ANGPT1: variants seen among roughly 807,000 people sequenced by gnomAD.
ANGPT1 encodes angiopoietin-1.
ANGPT1 carries 17 observed loss-of-function variants against 62.2 expected under a neutral mutation model. The ratio of observed to expected loss-of-function variants is 0.27; its 90% confidence interval spans 0.19 to 0.41. The LOEUF (loss-of-function observed/expected upper bound fraction) is 0.41, where lower values mean the gene tolerates loss of function less well. ANGPT1 is among the 10% of genes least tolerant of loss of function. The probability of loss-of-function intolerance (pLI) is 1.00; values close to 1 mark genes in which losing one functional copy is unlikely to be tolerated. For synonymous variants in ANGPT1, 199 were observed against 198.9 expected (o/e 1.00, Z 0.00); for missense variants, 478 against 594.9 (o/e 0.80, Z 2.04).
chr8:107,420,499 G>T (rs142087500), intron 1 of ANGPT1, among the ~76,000 whole-genome samples: 112 of 152,266 alleles, frequency 7.4e-4, no homozygotes, highest in African/African-American at 2.5e-3. Context: ...ATTGTTAGTT[G>T]TCTCTCCTCT....
At chr8:107,446,005 C>T (rs1194531503) in intron 1 of ANGPT1, among the ~76,000 whole-genome samples, 1 of 152,114 alleles carries the variant, frequency 6.6e-6, no homozygotes, top group Non-Finnish European at 1.5e-5. Context: ...GAAACCTCTG[C>T]CTCCCGGGGT....
At chr8:107,376,340 G>T (rs1370157547) in intron 1 of ANGPT1, among the ~76,000 whole-genome samples, 3 of 152,144 alleles carry the variant, frequency 2.0e-5, no homozygotes, top group Admixed American at 2.0e-4. Context: ...ATTTCAATAT[G>T]GAAGTATGGG....
intron 1 of ANGPT1, among the ~76,000 whole-genome samples, chr8:107,361,569 AATATAGAATATATGTATATATTATATAT>A (rs1816166021): frequency 4.9e-5 from 1 of 20,596 alleles, no homozygotes; most frequent in Non-Finnish European, 1.2e-4. Context: ...ATTATATATC[AATATAGAATATATGTATATATTATATAT>A]CAATATAGAA....
chr8:107,281,605 C>T (rs566789028), intron 7 of ANGPT1, among the ~76,000 whole-genome samples: 7 of 151,818 alleles, frequency 4.6e-5, no homozygotes, highest in South Asian at 4.2e-4. Context: ...GGTGAAACTC[C>T]GTCTCTACTA....
rs114784130 is a variant in ANGPT1, at chr8:107,356,209, C to T, written c.298-9112G>A. 3.8e-3 allele frequency among the ~76,000 whole-genome samples: 586 copies of T among 152,310 alleles called. 6 individuals are homozygous for T. The highest frequency in any genetic ancestry group is 0.014 in the African/African-American group (564 of 41,576). ...ATAAACCCATCTTGTCTTACTATGT[C>T]TTTCTACTTTGCTATTCCCAAACAT... On this transcript the variant is annotated intron_variant, in intron 1 of 8. Coordinates refer to ENST00000517746, the MANE Select transcript of ANGPT1 (RefSeq NM_001146.5).
intron 1 of ANGPT1, among the ~76,000 whole-genome samples, chr8:107,455,749 G>A (rs1033358602): frequency 6.6e-6 from 1 of 151,998 alleles, no homozygotes; most frequent in African/African-American, 2.4e-5. Context: ...TAAATCTCAT[G>A]ATAAAAATAT....
chr8:107,324,205 GTA>G lies in ANGPT1; in HGVS notation c.576-2079_576-2078del, dbSNP rs749951958. Among the ~76,000 whole-genome samples the G allele has an allele frequency of 1.4e-3, 165 of 119,026 alleles. 4 individuals carry two copies. Among genetic ancestry groups the G allele is most frequent in the Admixed American group, 6.5e-3 (80 of 12,294 alleles). 78.1% of individuals were successfully genotyped at this position (119,026 alleles called of 152,430 possible). ...TGTGTGTGTATATATGTATATATAT[GTA>G]TATATATATGTGTGTGTGTGTGTGT... On this transcript the variant is annotated intron_variant, in intron 3 of 8. Coordinates refer to ENST00000517746, the MANE Select transcript of ANGPT1 (RefSeq NM_001146.5).
chr8:107,275,985 A>T (rs965624565), intron 7 of ANGPT1, among the ~76,000 whole-genome samples: 2 of 152,146 alleles, frequency 1.3e-5, no homozygotes, highest in Admixed American at 6.5e-5. Context: ...AAGACTCTAG[A>T]GACTGACATT....
At chr8:107,350,499 C>G (rs907009589) in intron 1 of ANGPT1, among the ~76,000 whole-genome samples, 2 of 152,064 alleles carry the variant, frequency 1.3e-5, no homozygotes, top group Non-Finnish European at 2.9e-5. Flanking sequence ...CAGCTGTTGA[C>G]CATTCTGTAC....
chr8:107,388,221 C>A (rs189687744), intron 1 of ANGPT1, among the ~76,000 whole-genome samples: 1 of 151,878 alleles, frequency 6.6e-6, no homozygotes, highest in Non-Finnish European at 1.5e-5. Context: ...TATCTGAGAC[C>A]GGGCAACATA....
intron 1 of ANGPT1, among the ~76,000 whole-genome samples, chr8:107,399,687 C>T (rs1817004600): frequency 6.6e-6 from 1 of 152,120 alleles, no homozygotes; most frequent in South Asian, 2.1e-4. Flanking sequence ...CCCAGGGTTT[C>T]AGCCTCAAAC....
chr8:107,315,894 A>G (rs1815002743), intron 4 of ANGPT1, among the ~76,000 whole-genome samples: 1 of 152,052 alleles, frequency 6.6e-6, no homozygotes. Flanking sequence ...ACTTTCTATG[A>G]TTTTACCTCT....
In ANGPT1 at chr8:107,461,482, G is replaced by A. The variant is rs1812070366; in HGVS notation, c.297+35780C>T. ...TCAGGATACTTTTTACAACCAAAGT[G>A]GTAAGAAATGATAGCATCATAGTTT... On this transcript the variant is annotated intron_variant, in intron 1 of 8. Coordinates refer to ENST00000517746, the MANE Select transcript of ANGPT1 (RefSeq NM_001146.5). 2.6e-5 allele frequency among the ~76,000 whole-genome samples: 4 copies of A among 151,978 alleles called. No homozygotes were observed. The South Asian group carries it at 8.3e-4, about 31-fold the overall frequency.
At chr8:107,435,789 T>C (rs540857134) in intron 1 of ANGPT1, among the ~76,000 whole-genome samples, 16 of 152,334 alleles carry the variant, frequency 1.1e-4, no homozygotes, top group African/African-American at 3.4e-4. Context: ...GCACTGGAGA[T>C]ACAATTGTAA....
In ANGPT1 at chr8:107,251,726, C is replaced by T; in HGVS notation, c.*129G>A. On this transcript the variant is annotated 3_prime_UTR_variant, in exon 9 of 9. Transcript: ENST00000517746. The stretch of plus-strand genomic sequence containing the variant: ...TCACGGTCAAGAACCTTGGTGACTT[C>T]ACATAACTACCACTTATTGCTGGAA... 1 of 1,191,960 alleles carries T rather than the reference C, an allele frequency of 8.4e-7. No homozygotes were observed. The allele number at this position is 1,191,960 out of a possible 1,614,324, so 73.8% of individuals were successfully genotyped here. A position where few individuals can be genotyped will look rare whatever the true frequency, so the allele number is the denominator to read the frequency against.
intron 7 of ANGPT1, among the ~76,000 whole-genome samples, chr8:107,270,749 T>C (rs1017734292): frequency 4.6e-5 from 7 of 152,012 alleles, no homozygotes; most frequent in African/African-American, 1.7e-4. Flanking sequence ...GAAAAATATA[T>C]GAAGCAAAGT....
At chr8:107,354,493 C>T (rs1013297940) in intron 1 of ANGPT1, among the ~76,000 whole-genome samples, 1 of 152,120 alleles carries the variant, frequency 6.6e-6, no homozygotes, top group Non-Finnish European at 1.5e-5. Flanking sequence ...AGCTCTCAAA[C>T]TCCTTGATTT....
chr8:107,254,712 C>G lies in ANGPT1; in HGVS notation c.1337-2697G>C, dbSNP rs1215164212. ...GGGATGTGTAGGGACATCAGTGCAA[C>G]TGGTGCACAGTAAACAAGAAATGAC... On this transcript the variant is annotated intron_variant, in intron 8 of 8. Coordinates refer to ENST00000517746, the MANE Select transcript of ANGPT1 (RefSeq NM_001146.5). 2.6e-5 allele frequency among the ~76,000 whole-genome samples: 4 copies of G among 151,962 alleles called. No homozygotes were observed. In the East Asian group the frequency reaches 7.8e-4, roughly 30 times the overall value.
chr8:107,457,863 CACA>C (rs756070372), intron 1 of ANGPT1, among the ~76,000 whole-genome samples: 14,673 of 142,082 alleles, frequency 0.1, 897 homozygotes, highest in Non-Finnish European at 0.14. Context: ...CACACACACA[CACA>C]CCAAGAGGGG....
Sources: allele counts gnomAD v4.1 joint callset (sites outside exome capture counted in the v4.1 genomes callset), GRCh38; gene constraint gnomAD v4.1.1; transcripts MANE v1.5; gene names NCBI Gene and HGNC (gene_info 2026-07-23, HGNC 2026-07-21).